The following DOCK1 variants were observed in gnomAD, a reference collection of about 807,000 sequenced individuals.
The protein encoded by DOCK1 is dedicator of cytokinesis 1.
Under a neutral mutation model 262.7 loss-of-function variants are expected in DOCK1, and 138 were observed. That is an observed-to-expected ratio of 0.53 (90% CI 0.46 to 0.61). The LOEUF (loss-of-function observed/expected upper bound fraction) is 0.61, where lower values mean the gene tolerates loss of function less well. DOCK1 is among the 20% of genes least tolerant of loss of function. DOCK1 has a pLI of 0.00. For synonymous variants in DOCK1, 866 were observed against 867.4 expected (o/e 1.00, Z 0.03); for missense variants, 1,908 against 2,370.7 (o/e 0.80, Z 4.05).
At chr10:127,025,924 C>T (rs1454427325) in intron 15 of DOCK1, 6 of 198,388 alleles carry the variant, frequency 3.0e-5, no homozygotes, top group South Asian at 8.8e-5. Context: ...GGTGTGGTGG[C>T]GCATGCCTGT....
At chr10:127,195,273 C>G (rs1482333579) in intron 27 of DOCK1, among the ~76,000 whole-genome samples, 1 of 152,192 alleles carries the variant, frequency 6.6e-6, no homozygotes, top group Non-Finnish European at 1.5e-5. Context: ...CTCCCTCCTC[C>G]CTCCTGCCCT....
At chr10:127,045,087 A>G (rs7906393) in intron 21 of DOCK1, among the ~76,000 whole-genome samples, 69,141 of 150,930 alleles carry the variant, frequency 0.46, 15,979 homozygotes, top group Middle Eastern at 0.56. Context: ...AGTCCCAGCT[A>G]CTTGGGAGGC....
chr10:127,032,622 C>T (rs2043317557), intron 18 of DOCK1, among the ~76,000 whole-genome samples: 1 of 150,878 alleles, frequency 6.6e-6, no homozygotes, highest in African/African-American at 2.4e-5. Flanking sequence ...GGTGTGATCT[C>T]AACTCACTCC....
intron 32 of DOCK1, among the ~76,000 whole-genome samples, chr10:127,354,982 C>G (rs1276516737): frequency 1.3e-5 from 2 of 152,226 alleles, no homozygotes; most frequent in East Asian, 3.9e-4. Flanking sequence ...GGACACGTGG[C>G]TTGGAGCTCC....
intron 27 of DOCK1, among the ~76,000 whole-genome samples, chr10:127,147,980 G>A (rs1165673053): frequency 1.5e-5 from 2 of 134,420 alleles, no homozygotes; most frequent in Non-Finnish European, 3.1e-5. Flanking sequence ...GCAGTGAGCC[G>A]AGATTGCACC....
At position 127,451,741 on chromosome 10, in the gene DOCK1, T is replaced by A; in HGVS notation, c.*314T>A. Reference sequence around the variant, plus strand: ...AAACATTCTTTCTTTTTGTGCCAAATGACTTGCATTTGCAAAGAGCTCAAT... The same window carrying A: ...AAACATTCTTTCTTTTTGTGCCAAAAGACTTGCATTTGCAAAGAGCTCAAT... On this transcript the variant is annotated 3_prime_UTR_variant, in exon 52 of 52. Transcript: ENST00000623213. 1 of 395,624 alleles carries A rather than the reference T, an allele frequency of 2.5e-6. No individual in the cohort carries two copies. The highest frequency in any genetic ancestry group is 4.5e-6 in the Non-Finnish European group (1 of 224,290). 24.5% of individuals were successfully genotyped at this position (395,624 alleles called of 1,614,324 possible). A position where few individuals can be genotyped will look rare whatever the true frequency, so the allele number is the denominator to read the frequency against.
intron 23 of DOCK1, among the ~76,000 whole-genome samples, chr10:127,089,016 C>A (rs2047359799): frequency 6.6e-6 from 1 of 152,132 alleles, no homozygotes; most frequent in South Asian, 2.1e-4. Context: ...TCGGTCACTC[C>A]CCACAGACTT....
intron 29 of DOCK1, among the ~76,000 whole-genome samples, chr10:127,303,200 G>A (rs2135445133): frequency 6.6e-6 from 1 of 152,298 alleles, no homozygotes; most frequent in East Asian, 1.9e-4. Flanking sequence ...TGGGGCAGGT[G>A]ACAGTCAGTG....
intron 10 of DOCK1, among the ~76,000 whole-genome samples, chr10:127,003,478 T>G (rs2040753878): frequency 6.6e-6 from 1 of 152,238 alleles, no homozygotes; most frequent in African/African-American, 2.4e-5. Context: ...CTTTGAGTTC[T>G]CTGTCCCTTC....
intron 32 of DOCK1, 35 bp downstream of exon 32, chr10:127,354,762 C>T: frequency 6.2e-7 from 1 of 1,613,028 alleles, no homozygotes. Context: ...TAGTGAATAT[C>T]TTGCATCCCT....
chr10:127,258,743 C>A (rs2059912415), intron 29 of DOCK1, among the ~76,000 whole-genome samples: 1 of 152,230 alleles, frequency 6.6e-6, no homozygotes, highest in South Asian at 2.1e-4. Context: ...ATTTTACGTT[C>A]CCACCAGCCA....
At chr10:127,127,203 T>A (rs143603853) in intron 26 of DOCK1, among the ~76,000 whole-genome samples, 300 of 152,370 alleles carry the variant, frequency 2.0e-3, no homozygotes, top group Admixed American at 4.9e-3. Context: ...TTTTACTGAA[T>A]GCCACAGCAG....
intron 27 of DOCK1, among the ~76,000 whole-genome samples, chr10:127,215,552 T>C (rs1396364235): frequency 2.0e-5 from 3 of 152,192 alleles, no homozygotes; most frequent in Non-Finnish European, 4.4e-5. Context: ...CCAATAATGA[T>C]GGATTGTGAA....
chr10:127,105,140 G>C (rs2048458718), intron 23 of DOCK1, among the ~76,000 whole-genome samples: 1 of 152,164 alleles, frequency 6.6e-6, no homozygotes, highest in South Asian at 2.1e-4. Flanking sequence ...TTTGTTGCCT[G>C]CTGCCATGTA....
intron 32 of DOCK1, among the ~76,000 whole-genome samples, chr10:127,358,917 A>G (rs1366489553): frequency 6.6e-6 from 1 of 152,202 alleles, no homozygotes; most frequent in African/African-American, 2.4e-5. Context: ...CCCAGGGGAA[A>G]GAGCTCCACG....
intron 35 of DOCK1, among the ~76,000 whole-genome samples, chr10:127,375,452 T>C (rs1232988978): frequency 6.6e-6 from 1 of 152,228 alleles, no homozygotes; most frequent in Non-Finnish European, 1.5e-5. Flanking sequence ...GGATACATAG[T>C]CCTCACTGCC....
intron 1 of DOCK1, among the ~76,000 whole-genome samples, chr10:126,954,798 T>G (rs1169281640): frequency 2.0e-5 from 3 of 152,334 alleles, no homozygotes; most frequent in African/African-American, 4.8e-5. Context: ...TTTCATTATA[T>G]GTACATACCA....
chr10:127,125,595 G>A lies in DOCK1; in HGVS notation c.2745G>A (p.Lys915=). Reference sequence around the variant, plus strand: ...ACATCCTGGAGGTGCTGTACAGGAAGGACGTGGTGAGTGTTGGCTCTGTGC... The same window carrying A: ...ACATCCTGGAGGTGCTGTACAGGAAAGACGTGGTGAGTGTTGGCTCTGTGC... ...LSHILEVLYR[K]DVGPTQRHVQ... Residue 915 remains lysine (K), a synonymous_variant, in exon 26 of 52, where the codon AAG becomes AAA. Transcript: ENST00000623213. 1.9e-6 allele frequency: 3 copies of A among 1,613,554 alleles called. No homozygotes were observed. In the South Asian group the frequency reaches 3.3e-5, roughly 18 times the overall value.
chr10:127,032,325 G>A lies in DOCK1; in HGVS notation c.1912+5G>A, dbSNP rs2135534372. 6.6e-7 allele frequency: 1 copy of A among 1,520,594 alleles called. No individual in the cohort carries two copies. Among genetic ancestry groups the A allele is most frequent in the African/African-American group, 1.4e-5 (1 of 71,510 alleles). The allele number at this position is 1,520,594 out of a possible 1,614,324, so 94.2% of individuals were successfully genotyped here. A position where few individuals can be genotyped will look rare whatever the true frequency, so the allele number is the denominator to read the frequency against. ...CCACCAAACTGACTCAGAACGGTGC[G>A]TTCGAGAGGAGAAACACACTCACCC... On this transcript the variant is annotated splice_donor_5th_base_variant and intron_variant, in intron 18 of 51. Transcript: ENST00000623213.
Sources: allele counts gnomAD v4.1 joint callset (sites outside exome capture counted in the v4.1 genomes callset), GRCh38; gene constraint gnomAD v4.1.1; transcripts MANE v1.5; gene names NCBI Gene and HGNC (gene_info 2026-07-23, HGNC 2026-07-21).